Variants in MYO15B observed in about 807,000 individuals in gnomAD.
The protein encoded by MYO15B is myosin XVB, also known as myosin XVB pseudogene.
In MYO15B, 207 loss-of-function variants were observed where a neutral mutation model predicts 119.3. The ratio of observed to expected loss-of-function variants is 1.73; its 90% CI spans 1.55 to 1.95. The LOEUF is 1.95. Among genes scored for constraint, MYO15B ranks in the 30% most tolerant of loss-of-function variants. The probability of loss-of-function intolerance (pLI) is 0.00; values close to 1 mark genes in which losing one functional copy is unlikely to be tolerated. For synonymous variants in MYO15B, 966 were observed against 498.9 expected, an observed-to-expected ratio of 1.94 and a Z score of -12.48; for missense variants, 2,264 against 1,203.1, an observed-to-expected ratio of 1.88 and a Z score of -13.04.
chr17:75,589,676 A>T lies in MYO15B; in HGVS notation c.1619A>T (p.Asp540Val). 2.5e-6 allele frequency: 1 copy of T among 398,812 alleles called. No individual in the cohort carries two copies. The allele number at this position is 398,812 out of a possible 1,614,324, so 24.7% of individuals were successfully genotyped here. Residue 540 changes from aspartate to valine, a missense_variant, in exon 1 of 64, where the codon GAT becomes GTT. Transcript: ENST00000645453. This position sits in a 1 kb window ranked among gnomAD's most constrained non-coding sequence, Gnocchi z 4.2. ...TTTGATCAGGAGGACGAGACTCCAGATCCCAAGTTCGCGGTCGTGTTCCCC... is the reference window on the plus strand; with the variant it reads ...TTTGATCAGGAGGACGAGACTCCAGTTCCCAAGTTCGCGGTCGTGTTCCCC...
intron 21 of MYO15B, chr17:75,606,936 G>A (rs11653724): frequency 0.18 from 71,772 of 398,320 alleles, 6,886 homozygotes; most frequent in Non-Finnish European, 0.2. Context: ...CTCACAGCCT[G>A]TCTTCACACA....
At chr17:75,613,546 C>T in intron 28 of MYO15B, 75 bp downstream of exon 28, 1 of 645,822 alleles carries the variant, frequency 1.5e-6, no homozygotes, top group South Asian at 1.7e-5. Flanking sequence ...TCCCTGGAAC[C>T]CCTTCCTGCC....
rs1233208246 is a variant in MYO15B, at chr17:75,594,684, C to T, written c.3106-17C>T. 1 of 702,834 alleles carries T rather than the reference C, an allele frequency of 1.4e-6. No homozygotes were observed. The highest frequency in any genetic ancestry group is 2.7e-5 in the East Asian group (1 of 37,294). The allele number at this position is 702,834 out of a possible 1,614,324, so 43.5% of individuals were successfully genotyped here. A position where few individuals can be genotyped will look rare whatever the true frequency, so the allele number is the denominator to read the frequency against. Reference sequence around the variant, plus strand: ...CTGCAGGCCTGACACACCAGCTGTGCCTCCTCTGCCCTCCAGGAGACGCCC... The same window carrying T: ...CTGCAGGCCTGACACACCAGCTGTGTCTCCTCTGCCCTCCAGGAGACGCCC... On this transcript the variant is annotated splice_polypyrimidine_tract_variant and intron_variant, in intron 10 of 63. Coordinates refer to ENST00000645453, the Ensembl canonical transcript of MYO15B.
chr17:75,596,723 G>T (rs1310338759), intron 13 of MYO15B, 45 bp from the exon 14 acceptor site: 3 of 683,886 alleles, frequency 4.4e-6, no homozygotes, highest in East Asian at 2.7e-5. Flanking sequence ...AGATGGGAGG[G>T]TTATCCCTGC....
chr17:75,622,556 T>A (rs550599294), intron 53 of MYO15B, among the ~76,000 whole-genome samples: 1 of 152,330 alleles, frequency 6.6e-6, no homozygotes, highest in South Asian at 2.1e-4. Flanking sequence ...CATTGGCCTC[T>A]GATTTTTGGA....
chr17:75,597,511 TAATG>T (rs1443128652), intron 14 of MYO15B, among the ~76,000 whole-genome samples: 3 of 152,166 alleles, frequency 2.0e-5, no homozygotes, highest in Admixed American at 6.5e-5. Flanking sequence ...GTTAAGGAAA[TAATG>T]AATGAATGAA....
intron 1 of MYO15B, 143 bp downstream of exon 1, chr17:75,590,386 G>A (rs575528560): frequency 7.5e-6 from 3 of 398,184 alleles, no homozygotes; most frequent in Non-Finnish European, 1.3e-5. Context: ...GAAGGGGCAG[G>A]TAAGGGGCAA....
rs938145041 is a variant in MYO15B at position 75,589,240 on chromosome 17, G to T, written c.1183G>T (p.Gly395Trp). The change falls in exon 1 of 64, where the codon GGG becomes TGG. Residue 395 changes from glycine (G) to tryptophan (W), a missense_variant. Physicochemically the swap from Gly to Trp is radical, Grantham distance 184. Coordinates refer to ENST00000645453, the Ensembl canonical transcript of MYO15B. The surrounding 1 kb of genome is among the most constrained non-coding windows in gnomAD (Gnocchi z 4.2). Reference sequence around the variant, plus strand: ...GCGGCGGCGGCCGCCAGAGGGCGAGGGGCAGGGTACCGGGCCACGGGCGAG... The same window carrying T: ...GCGGCGGCGGCCGCCAGAGGGCGAGTGGCAGGGTACCGGGCCACGGGCGAG... 6 of 401,604 alleles carry T rather than the reference G, an allele frequency of 1.5e-5. No homozygotes were observed. Among genetic ancestry groups the T allele is most frequent in the Admixed American group, 4.4e-5 (1 of 22,698 alleles). The allele number at this position is 401,604 out of a possible 1,614,324, so 24.9% of individuals were successfully genotyped here.
At chr17:75,587,934 G>C (rs2056171521) in exon 1 of MYO15B, 1 of 396,522 alleles carries the variant, frequency 2.5e-6, no homozygotes. Context: ...GGGGAGTAGA[G>C]CCTGTAGCCC....
intron 54 of MYO15B, 42 bp downstream of exon 54, chr17:75,623,896 CA>C (rs2058855199): frequency 1.4e-6 from 1 of 702,792 alleles, no homozygotes; most frequent in Middle Eastern, 2.3e-4. Flanking sequence ...CTTCTGGGGG[CA>C]GCTGGGCACT....
chr17:75,623,614 G>A (rs571877173), intron 53 of MYO15B, among the ~76,000 whole-genome samples, 167 bp from the exon 54 acceptor site: 35 of 152,326 alleles, frequency 2.3e-4, no homozygotes, highest in Middle Eastern at 6.8e-3. Flanking sequence ...AGAGGGAGAC[G>A]GGAGCAGCGA....
intron 14 of MYO15B, among the ~76,000 whole-genome samples, chr17:75,599,477 C>T (rs1344957482): frequency 3.3e-5 from 5 of 151,338 alleles, no homozygotes; most frequent in African/African-American, 9.7e-5. Flanking sequence ...TTAGTAGAGA[C>T]GGGGTTTCAC....
exon 36 of MYO15B, chr17:75,615,820 G>A (rs1161967162): frequency 2.8e-6 from 2 of 702,478 alleles, no homozygotes; most frequent in African/African-American, 3.5e-5. Flanking sequence ...TCCAAGCCCA[G>A]GAAGCCCCCC....
At chr17:75,624,184 G>A (rs940273489) in exon 56 of MYO15B, 11 of 702,838 alleles carry the variant, frequency 1.6e-5, no homozygotes, top group South Asian at 4.4e-5. Flanking sequence ...GAGCTGGCCC[G>A]GAGCAGCCAG....
At chr17:75,619,410 G>A (rs1398642020) in exon 45 of MYO15B, 3 of 702,662 alleles carry the variant, frequency 4.3e-6, no homozygotes, top group Non-Finnish European at 7.8e-6. Context: ...ACAGCGTCAA[G>A]AAGCGCATCG....
chr17:75,612,005 A>G (rs2058060292), exon 25 of MYO15B: 3 of 702,774 alleles, frequency 4.3e-6, no homozygotes, highest in Non-Finnish European at 7.8e-6. Context: ...CTTCGTCGCC[A>G]TCGGCTTTCA....
exon 54 of MYO15B, chr17:75,623,850 C>A (rs1339968392): frequency 1.4e-5 from 9 of 629,096 alleles, no homozygotes; most frequent in Non-Finnish European, 2.5e-5. Flanking sequence ...GGGACACCCC[C>A]GGCCGTGAGT....
chr17:75,605,169 G>C (rs2057549744), intron 19 of MYO15B, among the ~76,000 whole-genome samples: 1 of 151,820 alleles, frequency 6.6e-6, no homozygotes, highest in South Asian at 2.1e-4. Context: ...CGGGCGCAGT[G>C]GCTCACGCCT....
intron 14 of MYO15B, among the ~76,000 whole-genome samples, chr17:75,599,906 A>G (rs1228515844): frequency 2.0e-5 from 3 of 150,774 alleles, no homozygotes; most frequent in African/African-American, 4.9e-5. Context: ...AATAATAATA[A>G]TAATAATAAT....
Sources: allele counts gnomAD v4.1 joint callset (sites outside exome capture counted in the v4.1 genomes callset), GRCh38; gene constraint gnomAD v4.1.1; non-coding constraint Gnocchi (gnomAD v3.1); transcripts MANE v1.5; gene names NCBI Gene and HGNC (gene_info 2026-07-23, HGNC 2026-07-21).